The following TRPV6 variants were observed in gnomAD, a reference collection of about 807,000 sequenced individuals.
The protein encoded by TRPV6 is Alu-binding protein with zinc finger domain.
TRPV6 carries 39 observed loss-of-function variants against 79.0 expected under a neutral mutation model. The observed-to-expected ratio is 0.49, with a 90% confidence interval of 0.38 to 0.64. The LOEUF (loss-of-function observed/expected upper bound fraction) is 0.64. Ranked by LOEUF, TRPV6 falls within the 30% of genes least tolerant of loss-of-function variation. The pLI, the probability that TRPV6 is intolerant of heterozygous loss-of-function variation, is 0.00. For missense variants in TRPV6, 813 were observed against 1,011.1 expected (o/e 0.80, Z 2.66); for synonymous variants, 373 against 391.9 (o/e 0.95, Z 0.57).
In TRPV6 at chr7:142,873,698, T is replaced by C. The variant is rs1794993633; in HGVS notation, c.1658A>G (p.Gln553Arg). The C allele has an allele frequency of 4.3e-6, 7 of 1,614,010 alleles. No individual in the cohort carries two copies. Among genetic ancestry groups the C allele is most frequent in the Non-Finnish European group, 5.9e-6 (7 of 1,180,016 alleles). ...GCCTAGCTCCTCGGGGTCCTCTGTCTGGAAGATGATATAGAAGGCTGCTCC... is the reference window on the plus strand; with the variant it reads ...GCCTAGCTCCTCGGGGTCCTCTGTCCGGAAGATGATATAGAAGGCTGCTCC... Residue 553 changes from glutamine (Q) to arginine (R), a missense_variant, in exon 13 of 15, where the codon CAG (glutamine) becomes CGG (arginine). Around this residue, in one of 3 missense-constraint regions of TRPV6, gnomAD observed 94 missense variants for 194.0 expected, o/e 0.48. Coordinates refer to ENST00000359396, the MANE Select transcript of TRPV6 (RefSeq NM_018646.6). This position sits in a 1 kb window ranked among gnomAD's most constrained non-coding sequence, Gnocchi z 4.8.
At position 142,873,407 on chromosome 7, in the gene TRPV6, G is replaced by A. The variant is rs750014556; in HGVS notation, c.1908+41C>T. Reference sequence around the variant, plus strand: ...CTTGGCAGGTTCCTTGGTAGGAAGGGGATGACTTGCCCTAACCCTCCCTGC... The same window carrying A: ...CTTGGCAGGTTCCTTGGTAGGAAGGAGATGACTTGCCCTAACCCTCCCTGC... On this transcript the variant is annotated intron_variant, in intron 13 of 14. Transcript: ENST00000359396. The surrounding 1 kb of genome is among the most constrained non-coding windows in gnomAD (Gnocchi z 4.8). 9 of 1,604,198 alleles carry A rather than the reference G, an allele frequency of 5.6e-6. No homozygotes were observed. Among genetic ancestry groups the A allele is most frequent in the East Asian group, 2.2e-5 (1 of 44,658 alleles).
At chr7:142,878,944 T>C (rs547467608) in intron 1 of TRPV6, 1 of 152,212 alleles carries the variant, frequency 6.6e-6, no homozygotes, top group African/African-American at 2.4e-5. Flanking sequence ...GGTCCTTGCA[T>C]GCAAAAACCG....
At chr7:142,876,293 G>A in intron 6 of TRPV6, 115 bp downstream of exon 6, 1 of 1,442,754 alleles carries the variant, frequency 6.9e-7, no homozygotes, top group East Asian at 2.5e-5. Context: ...AAATTTCTGA[G>A]TTGAGAATGG....
chr7:142,874,791 A>C, intron 10 of TRPV6, 113 bp downstream of exon 10: 1 of 1,547,306 alleles, frequency 6.5e-7, no homozygotes, highest in Non-Finnish European at 8.9e-7. Context: ...GGTCATACAC[A>C]CAGCACTAGA....
intron 6 of TRPV6, 150 bp downstream of exon 6, chr7:142,876,258 G>T: frequency 1.7e-6 from 2 of 1,182,206 alleles, no homozygotes; most frequent in Non-Finnish European, 1.2e-6. Flanking sequence ...AAAGGGAACA[G>T]GTAACCACAG....
At chr7:142,881,038 G>C (rs1795181043) in intron 1 of TRPV6, 1 of 152,174 alleles carries the variant, frequency 6.6e-6, no homozygotes, top group Non-Finnish European at 1.5e-5. Context: ...GCCTGTGGAC[G>C]GGTTTTGAAG....
chr7:142,878,992 T>C (rs1795141043), intron 1 of TRPV6: 1 of 152,210 alleles, frequency 6.6e-6, no homozygotes, highest in South Asian at 2.1e-4. Context: ...GGGTCTCAGT[T>C]TCCAAACAGC....
rs767883617 is a variant in TRPV6 at position 142,875,688 on chromosome 7, A to C, written c.1030-8T>G. The C allele has an allele frequency of 1.2e-6, 2 of 1,609,984 alleles. No individual in the cohort carries two copies. The highest frequency in any genetic ancestry group is 4.5e-5 in the East Asian group (2 of 44,804). ...GTCCAGGATCTGGCGAGCCTGCAACAGAAAGAGAACAGGTGGCTCAGAGAC... is the reference window on the plus strand; with the variant it reads ...GTCCAGGATCTGGCGAGCCTGCAACCGAAAGAGAACAGGTGGCTCAGAGAC... On this transcript the variant is annotated splice_region_variant and splice_polypyrimidine_tract_variant and intron_variant, in intron 7 of 14. Transcript: ENST00000359396.
Position 142,871,963 on chromosome 7 carries a change from C to G in TRPV6, c.2042G>C (p.Arg681Pro). ...CTGTGCGTAGCGTTGGATCCGCTGC[C>G]GGTTGAGATCTTGCCTGTCTTCCAC... The change falls in exon 15 of 15, where the codon CGG becomes CCG. Residue 681 changes from arginine (R) to proline (P), a missense_variant. By Grantham distance (103) the Arg-to-Pro change is moderately radical (BLOSUM62 -2). Coordinates refer to ENST00000359396, the MANE Select transcript of TRPV6 (RefSeq NM_018646.6). The G allele has an allele frequency of 6.2e-7, 1 of 1,603,862 alleles. No individual in the cohort carries two copies. Among genetic ancestry groups the G allele is most frequent in the Non-Finnish European group, 8.5e-7 (1 of 1,173,962 alleles).
chr7:142,874,635 C>T lies in TRPV6; in HGVS notation c.1428G>A (p.Val476=). Residue 476 remains valine (V), a synonymous_variant, in exon 11 of 15, where the codon GTG becomes GTA. Transcript: ENST00000359396. ...TGAGCCGCATCACCATGGTCACCAGCACCATGAAGGCATAGGTGATGCTGG... is the reference window on the plus strand; with the variant it reads ...TGAGCCGCATCACCATGGTCACCAGTACCATGAAGGCATAGGTGATGCTGG... 6.2e-7 allele frequency: 1 copy of T among 1,613,958 alleles called. No individual in the cohort carries two copies. The highest frequency in any genetic ancestry group is 8.5e-7 in the Non-Finnish European group (1 of 1,179,948).
intron 2 of TRPV6, 54 bp from the exon 3 acceptor site, chr7:142,877,827 G>A (rs947350274): frequency 3.7e-6 from 6 of 1,613,274 alleles, no homozygotes; most frequent in Non-Finnish European, 5.1e-6. Flanking sequence ...GCGGATTGGA[G>A]ACGATAGATT....
In TRPV6 at chr7:142,874,145, A is replaced by G. The variant is rs1360681759; in HGVS notation, c.1573-3T>C. 3 of 1,613,224 alleles carry G rather than the reference A, an allele frequency of 1.9e-6. No individual in the cohort carries two copies. The highest frequency in any genetic ancestry group is 3.3e-5 in the Admixed American group (2 of 59,892). ...CGCATCAGGTCGCCAAAAATCATCT[A>G]GAAGGAGCAGGAGGCAGAGAACATC... On this transcript the variant is annotated splice_polypyrimidine_tract_variant and splice_region_variant and intron_variant, in intron 11 of 14. Coordinates refer to ENST00000359396, the MANE Select transcript of TRPV6 (RefSeq NM_018646.6).
chr7:142,875,232 C>G, intron 8 of TRPV6, 68 bp from the exon 9 acceptor site: 1 of 1,538,766 alleles, frequency 6.5e-7, no homozygotes, highest in Non-Finnish European at 9.0e-7. Context: ...TTCCATGGTG[C>G]CCAGGGTCAC....
chr7:142,878,325 C>A (rs994517126), intron 1 of TRPV6: 1 of 451,206 alleles, frequency 2.2e-6, no homozygotes, highest in African/African-American at 2.0e-5. Flanking sequence ...CAGTGCATTT[C>A]AGGTACGGAG....
chr7:142,885,234 C>T, intron 1 of TRPV6, 155 bp downstream of exon 1: 3 of 841,154 alleles, frequency 3.6e-6, no homozygotes, highest in Non-Finnish European at 3.6e-6. Flanking sequence ...GGCTGAGGCT[C>T]TTAAGACAGA....
At position 142,871,795 on chromosome 7, in the gene TRPV6, CT is replaced by C. The variant is rs921480866; in HGVS notation, c.2209del (p.Arg737GlyfsTer7). ...TCTCCTCAGGGTCCCTTGCCGAAGCCTTTCCCAATTGGCACTGCTGCGGGAG... is the reference window on the plus strand; with the variant it reads ...TCTCCTCAGGGTCCCTTGCCGAAGCCTTCCCAATTGGCACTGCTGCGGGAG... On this transcript the variant is annotated frameshift_variant, in exon 15 of 15. Coordinates refer to ENST00000359396, the MANE Select transcript of TRPV6 (RefSeq NM_018646.6). LOFTEE classifies it low-confidence loss of function (END_TRUNC). 1.9e-6 allele frequency: 3 copies of C among 1,614,224 alleles called. No individual in the cohort carries two copies. The highest frequency in any genetic ancestry group is 2.5e-6 in the Non-Finnish European group (3 of 1,180,032).
At chr7:142,874,228 A>T (rs1425142445) in intron 11 of TRPV6, 86 bp from the exon 12 acceptor site, 1 of 1,433,864 alleles carries the variant, frequency 7.0e-7, no homozygotes, top group Non-Finnish European at 9.7e-7. Flanking sequence ...CACCCCGACA[A>T]GTCTCACAGC....
At chr7:142,878,962 T>G (rs2116524707) in intron 1 of TRPV6, 1 of 152,322 alleles carries the variant, frequency 6.6e-6, no homozygotes, top group Middle Eastern at 3.4e-3. Flanking sequence ...CCGGTGGCGA[T>G]AAATCAGAGA....
intron 3 of TRPV6, 142 bp from the exon 4 acceptor site, chr7:142,877,421 G>A: frequency 6.8e-7 from 1 of 1,481,022 alleles, no homozygotes; most frequent in Non-Finnish European, 9.0e-7. Context: ...GATTCCCAGG[G>A]GATCCAGCTG....
Sources: gnomAD v4.1 joint callset for allele counts on GRCh38, gnomAD v4.1.1 for gene constraint, gnomAD v4.1.1 regional missense constraint, Gnocchi (gnomAD v3.1) non-coding constraint, MANE v1.5 for transcripts, NCBI Gene and HGNC (gene_info 2026-07-23, HGNC 2026-07-21) for gene names.